Variants in KCNIP4 observed in about 807,000 individuals in gnomAD.
KCNIP4 encodes the protein potassium voltage-gated channel interacting protein 4, also known as Kv channel-interacting protein 4.
A neutral mutation model predicts 34.0 loss-of-function variants in KCNIP4; 12 were observed. The ratio of observed to expected loss-of-function variants is 0.35; its 90% confidence interval spans 0.23 to 0.57. The LOEUF (loss-of-function observed/expected upper bound fraction) is 0.57. Ranked by LOEUF, KCNIP4 falls within the 20% of genes least tolerant of loss-of-function variation. The pLI is 0.83. For missense variants in KCNIP4, 238 were observed against 311.7 expected (o/e 0.76, Z 1.78); for synonymous variants, 124 against 102.2 (o/e 1.21, Z -1.29).
chr4:21,777,001 G>A (rs1719225564), intron 1 of KCNIP4, among the ~76,000 whole-genome samples: 1 of 152,090 alleles, frequency 6.6e-6, no homozygotes, highest in African/African-American at 2.4e-5. Context: ...TTGAACTCCT[G>A]ACTTCAAGTG....
intron 1 of KCNIP4, among the ~76,000 whole-genome samples, chr4:21,883,106 G>A (rs1043845584): frequency 4.0e-5 from 6 of 150,950 alleles, no homozygotes; most frequent in Non-Finnish European, 8.9e-5. Flanking sequence ...AGGCAAATAA[G>A]CTTTATAAAA....
intron 1 of KCNIP4, among the ~76,000 whole-genome samples, chr4:21,876,256 A>G (rs1487522023): frequency 6.6e-6 from 1 of 152,200 alleles, no homozygotes; most frequent in African/African-American, 2.4e-5. Flanking sequence ...GCAATGTGAT[A>G]TTATGATTAT....
intron 1 of KCNIP4, among the ~76,000 whole-genome samples, chr4:21,338,314 A>AC: frequency 6.6e-6 from 1 of 150,892 alleles, no homozygotes; most frequent in South Asian, 2.1e-4. Context: ...CCAGAAGGGT[A>AC]CCCCACTCAA....
chr4:21,593,285 C>T (rs957254047), intron 1 of KCNIP4, among the ~76,000 whole-genome samples: 2 of 152,050 alleles, frequency 1.3e-5, no homozygotes, highest in African/African-American at 2.4e-5. Context: ...GGGCTGAATG[C>T]CCATTGCTGG....
At chr4:21,247,633 A>G (rs1379887844) in intron 1 of KCNIP4, among the ~76,000 whole-genome samples, 62 of 143,072 alleles carry the variant, frequency 4.3e-4, no homozygotes, top group Admixed American at 7.3e-4. Flanking sequence ...ATATATTTAG[A>G]TATATCTATA....
At chr4:21,190,023 T>C (rs1755511016) in intron 1 of KCNIP4, among the ~76,000 whole-genome samples, 1 of 152,106 alleles carries the variant, frequency 6.6e-6, no homozygotes, top group South Asian at 2.1e-4. Context: ...AGAAACAGGG[T>C]TTTTTTCAGA....
chr4:21,812,331 C>G (rs1440025057), intron 1 of KCNIP4, among the ~76,000 whole-genome samples: 5 of 151,980 alleles, frequency 3.3e-5, no homozygotes, highest in African/African-American at 1.2e-4. Flanking sequence ...CCCTCCAGAA[C>G]AAATGTAATG....
intron 3 of KCNIP4, among the ~76,000 whole-genome samples, chr4:20,772,171 A>G (rs1755951734): frequency 6.6e-6 from 1 of 152,166 alleles, no homozygotes; most frequent in South Asian, 2.1e-4. Flanking sequence ...GTTTGACTGC[A>G]AATCTTTCAC....
chr4:21,854,614 T>C (rs2109341195), intron 1 of KCNIP4, among the ~76,000 whole-genome samples: 1 of 152,306 alleles, frequency 6.6e-6, no homozygotes, highest in Admixed American at 6.5e-5. Context: ...GTCTGGGCTC[T>C]ACCCTTGGCA....
chr4:21,105,387 GCT>G (rs1748420915), intron 1 of KCNIP4, among the ~76,000 whole-genome samples: 1 of 151,494 alleles, frequency 6.6e-6, no homozygotes, highest in African/African-American at 2.5e-5. Flanking sequence ...TCAGGATTTG[GCT>G]CTCTGTTTGT....
intron 1 of KCNIP4, among the ~76,000 whole-genome samples, chr4:21,658,828 C>T (rs181706761): frequency 1.0e-3 from 154 of 152,278 alleles, no homozygotes; most frequent in Non-Finnish European, 1.7e-3. Context: ...TGCCCTGTGA[C>T]CTCTGTCTCC....
intron 1 of KCNIP4, among the ~76,000 whole-genome samples, chr4:21,432,094 A>ATATATG (rs1726521209): frequency 4.6e-5 from 1 of 21,654 alleles, no homozygotes; most frequent in Non-Finnish European, 1.0e-4. Flanking sequence ...ATGGAAGCAT[A>ATATATG]TATATATATA....
intron 1 of KCNIP4, among the ~76,000 whole-genome samples, chr4:21,125,832 T>C (rs916382919): frequency 1.3e-5 from 2 of 151,970 alleles, no homozygotes; most frequent in Non-Finnish European, 1.5e-5. Flanking sequence ...ATTTTTAGAG[T>C]AGTTATTCTA....
At chr4:21,529,601 C>T (rs1736502721) in intron 1 of KCNIP4, among the ~76,000 whole-genome samples, 1 of 152,122 alleles carries the variant, frequency 6.6e-6, no homozygotes, top group Non-Finnish European at 1.5e-5. Flanking sequence ...CTCAGACCTC[C>T]TTCTATCCTT....
intron 1 of KCNIP4, among the ~76,000 whole-genome samples, chr4:21,488,956 C>T (rs1185759032): frequency 6.6e-6 from 1 of 151,998 alleles, no homozygotes; most frequent in East Asian, 1.9e-4. Flanking sequence ...AATGTCTAAG[C>T]ATGTATGAAT....
At chr4:21,408,139 A>T (rs1035407748) in intron 1 of KCNIP4, among the ~76,000 whole-genome samples, 2 of 152,182 alleles carry the variant, frequency 1.3e-5, no homozygotes, top group African/African-American at 4.8e-5. Context: ...ATCTTGTGCA[A>T]CTTTTTATAT....
chr4:21,519,042 G>C (rs1417570696), intron 1 of KCNIP4, among the ~76,000 whole-genome samples: 1 of 152,080 alleles, frequency 6.6e-6, no homozygotes, highest in East Asian at 1.9e-4. Flanking sequence ...TGGGGCTTGA[G>C]TAATTTTCCC....
intron 1 of KCNIP4, among the ~76,000 whole-genome samples, chr4:21,294,939 TTG>T (rs1293832827): frequency 6.6e-6 from 1 of 152,208 alleles, no homozygotes; most frequent in Non-Finnish European, 1.5e-5. Flanking sequence ...TCTTCTTTTT[TTG>T]TGTGTGAAAT....
intron 1 of KCNIP4, among the ~76,000 whole-genome samples, chr4:21,136,716 A>G (rs1433483): frequency 0.53 from 80,244 of 151,892 alleles, 21,788 homozygotes; most frequent in African/African-American, 0.64. Context: ...GTTCCATACT[A>G]CTGCTGGAGG....
Sources: allele counts gnomAD v4.1 joint callset (sites outside exome capture counted in the v4.1 genomes callset), GRCh38; gene constraint gnomAD v4.1.1; transcripts MANE v1.5; gene names NCBI Gene and HGNC (gene_info 2026-07-23, HGNC 2026-07-21).